SFRP4: variants seen among roughly 807,000 people sequenced by gnomAD.
The protein encoded by SFRP4 is secreted frizzled related protein 4, also known as secreted frizzled-related protein 4.
In SFRP4, 25 loss-of-function variants were observed where a neutral mutation model predicts 36.3. The observed-to-expected ratio is 0.69, with a 90% CI of 0.50 to 0.96. SFRP4 has a LOEUF of 0.96. Ranked by LOEUF, SFRP4 falls within the 40% of genes least tolerant of loss-of-function variation. The probability of loss-of-function intolerance (pLI) is 0.00; values close to 1 mark genes in which losing one functional copy is unlikely to be tolerated. For synonymous variants in SFRP4, 182 were observed against 168.8 expected (o/e 1.08, Z -0.60); for missense variants, 487 against 459.6 (o/e 1.06, Z -0.54).
rs1562850239 is a variant in SFRP4 at position 37,912,234 on chromosome 7, A to G, written c.676T>C (p.Ser226Pro). 1 of 1,613,952 alleles carries G rather than the reference A, an allele frequency of 6.2e-7. No homozygotes were observed. The highest frequency in any genetic ancestry group is 8.5e-7 in the Non-Finnish European group (1 of 1,179,928). The change falls in exon 4 of 6, where the codon TCC becomes CCC. Residue 226 changes from serine (S) to proline (P), a missense_variant. Ser to Pro is a moderately conservative substitution (Grantham distance 74). Transcript: ENST00000436072. ...TGAGTTCGAGGGATGGGTGATGAGG[A>G]CTTGAAGATCTCTTTTACATCCACC... is the stretch of plus-strand genomic sequence containing the variant. Reference protein sequence around the residue: ...TVVDVKEIFKSSSPIPRTQVP... With the variant: ...TVVDVKEIFKPSSPIPRTQVP...
chr7:37,912,433 A>G, intron 3 of SFRP4, 116 bp from the exon 4 acceptor site: 1 of 809,264 alleles, frequency 1.2e-6, no homozygotes, highest in Non-Finnish European at 2.0e-6. Context: ...AATTATGGTT[A>G]TGTCCAAGTG....
chr7:37,911,375 A>G (rs1785482729), intron 4 of SFRP4, among the ~76,000 whole-genome samples: 1 of 152,226 alleles, frequency 6.6e-6, no homozygotes, highest in African/African-American at 2.4e-5. Flanking sequence ...ATGCCTTGTT[A>G]TGTAAAACTG....
At position 37,916,728 on chromosome 7, in the gene SFRP4, C is replaced by G. The variant is rs1785587910; in HGVS notation, c.-191G>C. On this transcript the variant is annotated 5_prime_UTR_variant, in exon 1 of 6. Transcript: ENST00000436072. The surrounding 1 kb of genome is among the most constrained non-coding windows in gnomAD (Gnocchi z 4.1). ...CCGCGGAGCTCCGCCGTCTGGCACA[C>G]AGGGCACGAGCAGCGCCAGCTCTCA... 7.1e-6 allele frequency: 6 copies of G among 841,038 alleles called. No homozygotes were observed. In the South Asian group the frequency reaches 1.1e-4, roughly 15 times the overall value. The allele number at this position is 841,038 out of a possible 1,614,324, so 52.1% of individuals were successfully genotyped here. A position where few individuals can be genotyped will look rare whatever the true frequency, so the allele number is the denominator to read the frequency against.
Position 37,916,612 on chromosome 7 carries a change from G to A in SFRP4, c.-75C>T. 6.6e-7 allele frequency: 1 copy of A among 1,521,902 alleles called. No homozygotes were observed. The highest frequency in any genetic ancestry group is 1.4e-5 in the African/African-American group (1 of 73,076). The allele number at this position is 1,521,902 out of a possible 1,614,324, so 94.3% of individuals were successfully genotyped here. A position where few individuals can be genotyped will look rare whatever the true frequency, so the allele number is the denominator to read the frequency against. Reference sequence around the variant, plus strand: ...CTTCCTGCCACCCTCATCTTTCGCTGTCCCTTCGCCGAGGAAGAAATCCTC... The same window carrying A: ...CTTCCTGCCACCCTCATCTTTCGCTATCCCTTCGCCGAGGAAGAAATCCTC... On this transcript the variant is annotated 5_prime_UTR_variant, in exon 1 of 6. Transcript: ENST00000436072. The surrounding 1 kb of genome is among the most constrained non-coding windows in gnomAD (Gnocchi z 4.1).
Position 37,916,378 on chromosome 7 carries a change from C to G in SFRP4, c.160G>C (p.Ala54Pro). ...TCGTACTGCTCGATGGCCAGGATGG[C>G]GTTCTCCTGCGTGCTGTGGTGCAGG... ...NHLHHSTQEN[A>P]ILAIEQYEEL... Residue 54 changes from alanine (A) to proline (P), a missense_variant, in exon 1 of 6, where the codon GCC becomes CCC. Transcript: ENST00000436072. This position sits in a 1 kb window ranked among gnomAD's most constrained non-coding sequence, Gnocchi z 4.1. 1.2e-6 allele frequency: 2 copies of G among 1,614,196 alleles called. No individual in the cohort carries two copies. The highest frequency in any genetic ancestry group is 8.5e-7 in the Non-Finnish European group (1 of 1,180,010).
chr7:37,907,706 C>T, intron 5 of SFRP4, 42 bp from the exon 6 acceptor site: 1 of 1,449,788 alleles, frequency 6.9e-7, no homozygotes, highest in Non-Finnish European at 9.5e-7. Context: ...ATTATCTCAC[C>T]CCTTTATGGT....
rs1043462287 is a variant in SFRP4, at chr7:37,906,437, G to C, written c.*1042C>G. Reference sequence around the variant, plus strand: ...TTTTTCTGATTAAAGTATCCCAACTGTCAAGTAATTCTCATTTCAGAGGTG... The same window carrying C: ...TTTTTCTGATTAAAGTATCCCAACTCTCAAGTAATTCTCATTTCAGAGGTG... On this transcript the variant is annotated 3_prime_UTR_variant, in exon 6 of 6. Coordinates refer to ENST00000436072, the MANE Select transcript of SFRP4 (RefSeq NM_003014.4). 1.3e-5 allele frequency: 2 copies of C among 152,174 alleles called. No homozygotes were observed. The highest frequency in any genetic ancestry group is 2.9e-5 in the Non-Finnish European group (2 of 68,018). The allele number at this position is 152,174 out of a possible 1,614,324, so 9.4% of individuals were successfully genotyped here.
chr7:37,907,345 A>G lies in SFRP4; in HGVS notation c.*134T>C. The G allele has an allele frequency of 3.0e-6, 2 of 668,652 alleles. No homozygotes were observed. Among genetic ancestry groups the G allele is most frequent in the South Asian group, 5.1e-5 (2 of 39,282 alleles). The allele number at this position is 668,652 out of a possible 1,614,324, so 41.4% of individuals were successfully genotyped here. A position where few individuals can be genotyped will look rare whatever the true frequency, so the allele number is the denominator to read the frequency against. On this transcript the variant is annotated 3_prime_UTR_variant, in exon 6 of 6. Coordinates refer to ENST00000436072, the MANE Select transcript of SFRP4 (RefSeq NM_003014.4). The stretch of plus-strand genomic sequence containing the variant: ...AGCATAGCCTTAAGAAAAATGCTGC[A>G]AGATGTGTCTATGAAGAGCACTGCA...
intron 3 of SFRP4, among the ~76,000 whole-genome samples, chr7:37,913,150 A>G (rs1583655130): frequency 6.6e-6 from 1 of 152,224 alleles, no homozygotes; most frequent in African/African-American, 2.4e-5. Flanking sequence ...TCAGATGAGG[A>G]TGGTAGCTAC....
intron 4 of SFRP4, 58 bp downstream of exon 4, chr7:37,912,061 T>G: frequency 1.0e-4 from 132 of 1,304,780 alleles, no homozygotes; most frequent in Middle Eastern, 1.9e-4. Flanking sequence ...GACTGCTAAC[T>G]GAGATTGAGG....
In SFRP4 at chr7:37,916,371, A is replaced by G. The variant is rs1785577151; in HGVS notation, c.167T>C (p.Leu56Pro). The G allele has an allele frequency of 6.2e-7, 1 of 1,614,114 alleles. No individual in the cohort carries two copies. Among genetic ancestry groups the G allele is most frequent in the Non-Finnish European group, 8.5e-7 (1 of 1,180,042 alleles). ...CAGCTCCTCGTACTGCTCGATGGCC[A>G]GGATGGCGTTCTCCTGCGTGCTGTG... ...LHHSTQENAI[L>P]AIEQYEELVD... Residue 56 changes from leucine (L) to proline (P), a missense_variant, in exon 1 of 6, where the codon CTG (leucine) becomes CCG (proline). By Grantham distance (98) the Leu-to-Pro change is moderately conservative. Coordinates refer to ENST00000436072, the MANE Select transcript of SFRP4 (RefSeq NM_003014.4). The surrounding 1 kb of genome is among the most constrained non-coding windows in gnomAD (Gnocchi z 4.1).
In SFRP4 at chr7:37,909,616, C is replaced by A; in HGVS notation, c.855+1G>T. 6.5e-7 allele frequency: 1 copy of A among 1,545,166 alleles called. No homozygotes were observed. Among genetic ancestry groups the A allele is most frequent in the Non-Finnish European group, 8.8e-7 (1 of 1,135,672 alleles). ...TTCACAGCATTGTTCATGATACTTA[C>A]TATGGATCTTTTACTAAGCTGATCT... On this transcript the variant is annotated splice_donor_variant, in intron 5 of 5. Transcript: ENST00000436072. LOFTEE classifies it high-confidence loss of function.
In SFRP4 at chr7:37,916,326, G is replaced by C; in HGVS notation, c.212C>G (p.Ala71Gly). ...YEELVDVNCS[A>G]VLRFFLCAMY... ...GGCACAGAGGAAGAAGCGCAGCACG[G>C]CGCTGCAGTTCACGTCCACCAGCTC... is the stretch of plus-strand genomic sequence containing the variant. The change falls in exon 1 of 6, where the codon GCC becomes GGC. Residue 71 changes from alanine to glycine, a missense_variant. Ala to Gly is a moderately conservative substitution (Grantham distance 60). Coordinates refer to ENST00000436072, the MANE Select transcript of SFRP4 (RefSeq NM_003014.4). This position sits in a 1 kb window ranked among gnomAD's most constrained non-coding sequence, Gnocchi z 4.1. 1 of 1,614,236 alleles carries C rather than the reference G, an allele frequency of 6.2e-7. No homozygotes were observed.
Position 37,916,609 on chromosome 7 carries a change from G to A in SFRP4, c.-72C>T, listed in dbSNP as rs770099303. The A allele has an allele frequency of 1.9e-5, 29 of 1,531,452 alleles. No homozygotes were observed. Among genetic ancestry groups the A allele is most frequent in the Non-Finnish European group, 2.4e-5 (27 of 1,140,052 alleles). The allele number at this position is 1,531,452 out of a possible 1,614,324, so 94.9% of individuals were successfully genotyped here. ...TCTCTTCCTGCCACCCTCATCTTTC[G>A]CTGTCCCTTCGCCGAGGAAGAAATC... On this transcript the variant is annotated 5_prime_UTR_variant, in exon 1 of 6. Coordinates refer to ENST00000436072, the MANE Select transcript of SFRP4 (RefSeq NM_003014.4). This position sits in a 1 kb window ranked among gnomAD's most constrained non-coding sequence, Gnocchi z 4.1.
intron 1 of SFRP4, among the ~76,000 whole-genome samples, chr7:37,915,699 G>A (rs1020329179): frequency 3.3e-5 from 5 of 152,022 alleles, no homozygotes; most frequent in African/African-American, 1.2e-4. Context: ...GCGCTAAATG[G>A]AACGAGTATT....
chr7:37,915,500 C>CAAAGAAAA (rs1228295559), intron 1 of SFRP4, among the ~76,000 whole-genome samples: 1 of 151,924 alleles, frequency 6.6e-6, no homozygotes, highest in Non-Finnish European at 1.5e-5. Flanking sequence ...GTCAAATGAC[C>CAAAGAAAA]AAAGAAAAAA....
At chr7:37,915,688 A>G (rs1002217281) in intron 1 of SFRP4, among the ~76,000 whole-genome samples, 1 of 152,096 alleles carries the variant, frequency 6.6e-6, no homozygotes, top group Admixed American at 6.5e-5. Flanking sequence ...TTTAAGAAGT[A>G]GCGCTAAATG....
chr7:37,915,779 T>A (rs1785563258), intron 1 of SFRP4, among the ~76,000 whole-genome samples: 1 of 152,238 alleles, frequency 6.6e-6, no homozygotes, highest in South Asian at 2.1e-4. Context: ...TAACACTTGC[T>A]CAGACACCTA....
chr7:37,914,035 A>G (rs1667006694), intron 3 of SFRP4, among the ~76,000 whole-genome samples, 178 bp downstream of exon 3: 1 of 152,224 alleles, frequency 6.6e-6, no homozygotes, highest in South Asian at 2.1e-4. Flanking sequence ...GAAAAGCAAG[A>G]TATTTTGCAG....
Sources: gnomAD v4.1 joint callset for allele counts (sites outside exome capture counted in the v4.1 genomes callset) on GRCh38, gnomAD v4.1.1 for gene constraint, Gnocchi (gnomAD v3.1) non-coding constraint, MANE v1.5 for transcripts, NCBI Gene and HGNC (gene_info 2026-07-23, HGNC 2026-07-21) for gene names.